Variants in PDE4B observed in about 807,000 individuals in gnomAD.
PDE4B encodes the protein phosphodiesterase 4B.
PDE4B carries 20 observed loss-of-function variants against 82.2 expected under a neutral mutation model. The ratio of observed to expected loss-of-function variants is 0.24; its 90% CI spans 0.17 to 0.35. The LOEUF (loss-of-function observed/expected upper bound fraction) is 0.35, where lower values mean the gene tolerates loss of function less well. Ranked by LOEUF, PDE4B falls within the 10% of genes least tolerant of loss-of-function variation. The pLI is 1.00. For missense variants in PDE4B, 655 were observed against 907.2 expected (o/e 0.72, Z 3.57); for synonymous variants, 320 against 318.9 (o/e 1.00, Z -0.04).
In PDE4B at chr1:66,078,830, T is replaced by G. The variant is rs200285508; in HGVS notation, c.281+159995T>G. On this transcript the variant is annotated intron_variant, in intron 3 of 16. Coordinates refer to ENST00000341517, the MANE Select transcript of PDE4B (RefSeq NM_002600.4). ...ATAATACGTGAGAGGTTCTAGCAGG[T>G]GGGAAGAACCACTTTATCACCTTCA... Among the ~76,000 whole-genome samples the G allele has an allele frequency of 3.6e-4, 55 of 152,198 alleles. 1 individual carries two copies. In the East Asian group the frequency reaches 0.01, roughly 29 times the overall value.
intron 7 of PDE4B, among the ~76,000 whole-genome samples, chr1:66,313,520 G>A (rs1260005176): frequency 6.6e-6 from 1 of 152,210 alleles, no homozygotes; most frequent in Non-Finnish European, 1.5e-5. Context: ...ATTAAATACA[G>A]TCAGTCTCTA....
intron 3 of PDE4B, among the ~76,000 whole-genome samples, chr1:66,044,548 T>A (rs72641139): frequency 0.05 from 7,601 of 151,802 alleles, 559 homozygotes; most frequent in East Asian, 0.36. Flanking sequence ...TTTAAGTAAA[T>A]GTTTAAAACA....
chr1:65,918,635 CT>C lies in PDE4B; in HGVS notation c.82del (p.Tyr28ThrfsTer52). 6.2e-7 allele frequency: 1 copy of C among 1,612,394 alleles called. No homozygotes were observed. The highest frequency in any genetic ancestry group is 8.5e-7 in the Non-Finnish European group (1 of 1,178,476). On this transcript the variant is annotated frameshift_variant, in exon 3 of 17. Transcript: ENST00000341517. LOFTEE classifies it high-confidence loss of function. ...ATTTTGAATGTAGCTTGAGTAAATC[CT>C]ACAGTTCTTCCAGTAACACACTTGG... ...DYFECSLSKSYSSSSNTLGID... is the reference protein window; with the variant it reads ...DYFECSLSKSXSSSSNTLGID...
chr1:66,179,770 A>G (rs1438060761), intron 3 of PDE4B, among the ~76,000 whole-genome samples: 1 of 152,220 alleles, frequency 6.6e-6, no homozygotes, highest in Non-Finnish European at 1.5e-5. Context: ...GGTAGATTGT[A>G]CACTTCTTAA....
chr1:66,050,833 C>G (rs951369901), intron 3 of PDE4B: 1 of 151,988 alleles, frequency 6.6e-6, no homozygotes, highest in African/African-American at 2.4e-5. Context: ...CAAATGCTGC[C>G]CCTGTCATGG....
chr1:66,364,696 G>A (rs1415523318), intron 12 of PDE4B, among the ~76,000 whole-genome samples: 5 of 152,186 alleles, frequency 3.3e-5, no homozygotes, highest in African/African-American at 1.2e-4. Flanking sequence ...TGATCCCTCT[G>A]AAGGAGAGAA....
chr1:66,261,344 C>G (rs376240187), intron 6 of PDE4B, among the ~76,000 whole-genome samples: 1 of 152,122 alleles, frequency 6.6e-6, no homozygotes, highest in Non-Finnish European at 1.5e-5. Context: ...AGAAAGCATA[C>G]CCCCACCCGA....
At chr1:65,818,517 T>A (rs1335187945) in intron 1 of PDE4B, among the ~76,000 whole-genome samples, 2 of 152,024 alleles carry the variant, frequency 1.3e-5, no homozygotes, top group African/African-American at 4.8e-5. Flanking sequence ...GCGTCACATG[T>A]ACAGAACTGT....
intron 3 of PDE4B, among the ~76,000 whole-genome samples, chr1:66,027,737 G>A (rs1653525781): frequency 1.3e-5 from 2 of 152,192 alleles, no homozygotes; most frequent in Non-Finnish European, 2.9e-5. Context: ...TGGGGCCCAT[G>A]CAAGTCCAAA....
chr1:65,906,787 A>G (rs1190383762), intron 1 of PDE4B, among the ~76,000 whole-genome samples: 2 of 152,134 alleles, frequency 1.3e-5, no homozygotes, highest in Non-Finnish European at 2.9e-5. Flanking sequence ...AATGTATTTT[A>G]TAGTAGAAAT....
chr1:66,289,107 A>C lies in PDE4B; in HGVS notation c.634+23020A>C, dbSNP rs79682946. Among the ~76,000 whole-genome samples, 1,111 of 152,260 alleles carry C rather than the reference A, an allele frequency of 7.3e-3. 39 individuals are homozygous for C. In the East Asian group the frequency reaches 0.11, roughly 15 times the overall value. On this transcript the variant is annotated intron_variant, in intron 7 of 16. Coordinates refer to ENST00000341517, the MANE Select transcript of PDE4B (RefSeq NM_002600.4). Reference sequence around the variant, plus strand: ...ATACCTGGGTCTACAAAACAATAAAAATAAAAATAAAATAGCCAGGGGCAG... The same window carrying C: ...ATACCTGGGTCTACAAAACAATAAACATAAAAATAAAATAGCCAGGGGCAG...
chr1:66,248,528 G>A (rs1653500725), intron 4 of PDE4B, among the ~76,000 whole-genome samples: 1 of 152,170 alleles, frequency 6.6e-6, no homozygotes, highest in Non-Finnish European at 1.5e-5. Context: ...ATTCCTTGAG[G>A]CATTTCTGCC....
chr1:65,929,652 C>T (rs1215471305), intron 3 of PDE4B, among the ~76,000 whole-genome samples: 1 of 152,182 alleles, frequency 6.6e-6, no homozygotes, highest in Non-Finnish European at 1.5e-5. Context: ...CATTTTCTTT[C>T]ATCACTTTGT....
At chr1:66,046,300 T>C (rs1381342926) in intron 3 of PDE4B, 1 of 151,728 alleles carries the variant, frequency 6.6e-6, no homozygotes, top group East Asian at 1.9e-4. Flanking sequence ...AAAGCAGGTA[T>C]GAAAGTAAAT....
At chr1:66,197,158 T>G (rs1648391605) in intron 3 of PDE4B, among the ~76,000 whole-genome samples, 1 of 152,164 alleles carries the variant, frequency 6.6e-6, no homozygotes, top group African/African-American at 2.4e-5. Context: ...CTCTTGGTAA[T>G]TTAATTTTTA....
At chr1:66,306,581 A>C (rs563034) in intron 7 of PDE4B, among the ~76,000 whole-genome samples, 9,874 of 152,232 alleles carry the variant, frequency 0.065, 1,018 homozygotes, top group African/African-American at 0.22. Context: ...AGACGGTGCC[A>C]TTCACAAAAG....
intron 3 of PDE4B, among the ~76,000 whole-genome samples, chr1:66,227,195 G>A (rs1386403187): frequency 6.6e-6 from 1 of 152,208 alleles, no homozygotes; most frequent in Non-Finnish European, 1.5e-5. Flanking sequence ...GTAAAGTTGT[G>A]TAGGCACTGG....
intron 3 of PDE4B, among the ~76,000 whole-genome samples, chr1:66,205,369 T>A (rs533607322): frequency 6.6e-6 from 1 of 152,252 alleles, no homozygotes; most frequent in Admixed American, 6.5e-5. Flanking sequence ...AGATAACTAC[T>A]GATAACATTT....
At chr1:65,994,331 C>T (rs184715759) in intron 3 of PDE4B, among the ~76,000 whole-genome samples, 13 of 152,276 alleles carry the variant, frequency 8.5e-5, no homozygotes, top group African/African-American at 3.1e-4. Flanking sequence ...ACATACTTTG[C>T]CTGGCATATA....
Sources: gnomAD v4.1 joint callset for allele counts (sites outside exome capture counted in the v4.1 genomes callset) on GRCh38, gnomAD v4.1.1 for gene constraint, MANE v1.5 for transcripts, NCBI Gene and HGNC (gene_info 2026-07-23, HGNC 2026-07-21) for gene names.